Variants in OTOP1 observed in about 807,000 individuals in gnomAD.
OTOP1 encodes otopetrin 1.
In OTOP1, 59 loss-of-function variants were observed where a neutral mutation model predicts 52.9. That is an observed-to-expected ratio of 1.12 (90% CI 0.91 to 1.39). OTOP1 has a LOEUF of 1.39. Among genes scored for constraint, OTOP1 ranks in the 40% most tolerant of loss-of-function variants. OTOP1 has a pLI of 0.00. For synonymous variants in OTOP1, 317 were observed against 337.7 expected, an observed-to-expected ratio of 0.94 and a Z score of 0.67; for missense variants, 761 against 800.9, an observed-to-expected ratio of 0.95 and a Z score of 0.60.
At chr4:4,201,798 T>C (rs1716794627) in intron 4 of OTOP1, among the ~76,000 whole-genome samples, 1 of 152,160 alleles carries the variant, frequency 6.6e-6, no homozygotes, top group Non-Finnish European at 1.5e-5. Flanking sequence ...ACACAGCTTG[T>C]ACATGATGGG....
intron 1 of OTOP1, among the ~76,000 whole-genome samples, chr4:4,222,042 C>G (rs1483487531): frequency 6.6e-6 from 1 of 152,160 alleles, no homozygotes; most frequent in African/African-American, 2.4e-5. Context: ...ATCCATCCAT[C>G]CAATCATTCA....
rs184593057 is a variant in OTOP1 at position 4,202,869 on chromosome 4, G to A, written c.600-291C>T. ...TGGGTCTTGGAAGCAGAGCTAGAGG[G>A]ATGAAAATTTACTAAAAGCAGACAA... On this transcript the variant is annotated intron_variant, in intron 3 of 5. Coordinates refer to ENST00000296358, the MANE Select transcript of OTOP1 (RefSeq NM_177998.3). Among the ~76,000 whole-genome samples the A allele has an allele frequency of 4.6e-5, 7 of 152,356 alleles. No individual in the cohort carries two copies. In the East Asian group the frequency reaches 1.2e-3, roughly 25 times the overall value.
chr4:4,189,085 G>A, intron 5 of OTOP1, 112 bp from the exon 6 acceptor site: 2 of 963,242 alleles, frequency 2.1e-6, no homozygotes, highest in South Asian at 1.7e-5. Context: ...CAGGGACTGA[G>A]TCACCCCTGA....
intron 3 of OTOP1, among the ~76,000 whole-genome samples, chr4:4,205,839 A>G (rs1161400250): frequency 2.0e-5 from 3 of 152,246 alleles, no homozygotes; most frequent in African/African-American, 7.2e-5. Flanking sequence ...AGTGTCTAAG[A>G]TGCAGATTCG....
intron 5 of OTOP1, among the ~76,000 whole-genome samples, chr4:4,189,686 C>A (rs1179790384): frequency 6.6e-6 from 1 of 152,228 alleles, no homozygotes; most frequent in Non-Finnish European, 1.5e-5. Flanking sequence ...GACCTGCTAT[C>A]CCTCTTGCTC....
chr4:4,194,740 T>C (rs1219750638), intron 5 of OTOP1, among the ~76,000 whole-genome samples: 1 of 152,080 alleles, frequency 6.6e-6, no homozygotes, highest in Non-Finnish European at 1.5e-5. Context: ...TCACCCAGAG[T>C]GATGGGCAGG....
intron 2 of OTOP1, among the ~76,000 whole-genome samples, chr4:4,207,956 A>T (rs1352216143): frequency 6.6e-6 from 1 of 152,208 alleles, no homozygotes; most frequent in Admixed American, 6.6e-5. Context: ...AAATGGTTGC[A>T]TTCTTTTGAG....
At chr4:4,225,366 T>C (rs1282165662) in intron 1 of OTOP1, among the ~76,000 whole-genome samples, 1 of 151,938 alleles carries the variant, frequency 6.6e-6, no homozygotes, top group Admixed American at 6.6e-5. Flanking sequence ...GGCCAGGAGT[T>C]TGAGAAAAGG....
At chr4:4,223,042 C>T (rs753757519) in intron 1 of OTOP1, among the ~76,000 whole-genome samples, 1 of 152,186 alleles carries the variant, frequency 6.6e-6, no homozygotes, top group Non-Finnish European at 1.5e-5. Flanking sequence ...TCAAGCCAAA[C>T]CTTCCAGAGC....
rs568975904 is a variant in OTOP1 at position 4,224,679 on chromosome 4, G to A, written c.403+1783C>T. Among the ~76,000 whole-genome samples, 25 of 152,274 alleles carry A rather than the reference G, an allele frequency of 1.6e-4. No individual in the cohort carries two copies. The South Asian group carries it at 4.8e-3, about 29-fold the overall frequency. On this transcript the variant is annotated intron_variant, in intron 1 of 5. Transcript: ENST00000296358. ...TTTTCAGAACAGGAATTTGGGCCAC[G>A]CTGCAATGGTGTCAAATTTCCCCAA...
chr4:4,224,949 G>C (rs1422204734), intron 1 of OTOP1, among the ~76,000 whole-genome samples: 1 of 152,198 alleles, frequency 6.6e-6, no homozygotes, highest in East Asian at 1.9e-4. Flanking sequence ...GTGTGTGCTG[G>C]GCAGCCACCT....
rs777116064 is a variant in OTOP1, at chr4:4,188,759, A to T, written c.*44T>A. On this transcript the variant is annotated 3_prime_UTR_variant, in exon 6 of 6. Coordinates refer to ENST00000296358, the MANE Select transcript of OTOP1 (RefSeq NM_177998.3). ...ACCTGGCCACTCCTAGTTGGCTCCA[A>T]TGAACTCTTGTTAGCTCACTCCTAG... 2.6e-6 allele frequency: 4 copies of T among 1,529,130 alleles called. No individual in the cohort carries two copies. The highest frequency in any genetic ancestry group is 2.6e-6 in the Non-Finnish European group (3 of 1,137,372). 94.7% of individuals were successfully genotyped at this position (1,529,130 alleles called of 1,614,324 possible).
At chr4:4,190,803 G>A (rs190140093) in intron 5 of OTOP1, among the ~76,000 whole-genome samples, 2 of 152,236 alleles carry the variant, frequency 1.3e-5, no homozygotes, top group African/African-American at 4.8e-5. Context: ...TCTCCTACCT[G>A]TTTGGCGGGT....
chr4:4,210,714 G>A (rs763782841), intron 2 of OTOP1, among the ~76,000 whole-genome samples: 1 of 152,018 alleles, frequency 6.6e-6, no homozygotes, highest in Non-Finnish European at 1.5e-5. Flanking sequence ...GTCTGTCATC[G>A]GAGCTACTTG....
chr4:4,204,758 A>T (rs1716862551), intron 3 of OTOP1, among the ~76,000 whole-genome samples: 1 of 145,716 alleles, frequency 6.9e-6, no homozygotes, highest in Non-Finnish European at 1.5e-5. Context: ...GTGCGTGTGC[A>T]TGGTGCTTTC....
chr4:4,199,923 GC>G, intron 4 of OTOP1, among the ~76,000 whole-genome samples: 1 of 152,270 alleles, frequency 6.6e-6, no homozygotes, highest in South Asian at 2.1e-4. Flanking sequence ...AAATTTGGAA[GC>G]GTCTCTGATA....
intron 1 of OTOP1, among the ~76,000 whole-genome samples, chr4:4,220,646 A>G (rs1183295143): frequency 2.0e-5 from 3 of 152,220 alleles, no homozygotes; most frequent in Admixed American, 6.5e-5. Flanking sequence ...CCTTACCTAG[A>G]AAGTTCTATA....
At chr4:4,204,895 G>A (rs541862778) in intron 3 of OTOP1, among the ~76,000 whole-genome samples, 253 of 151,882 alleles carry the variant, frequency 1.7e-3, no homozygotes, top group African/African-American at 5.8e-3. Flanking sequence ...CTGAGCCTCC[G>A]GAGTAGCTGG....
At chr4:4,204,910 A>AGTAG (rs1716865966) in intron 3 of OTOP1, among the ~76,000 whole-genome samples, 1 of 151,904 alleles carries the variant, frequency 6.6e-6, no homozygotes, top group Non-Finnish European at 1.5e-5. Context: ...AGCTGGGACT[A>AGTAG]CAGGCGCCCA....
Sources: gnomAD v4.1 joint callset for allele counts (sites outside exome capture counted in the v4.1 genomes callset) on GRCh38, gnomAD v4.1.1 for gene constraint, MANE v1.5 for transcripts, NCBI Gene and HGNC (gene_info 2026-07-23, HGNC 2026-07-21) for gene names.